OSBPL10: variants seen among roughly 807,000 people sequenced by gnomAD.
OSBPL10 encodes the protein oxysterol-binding protein-related protein 10.
In OSBPL10, 49 loss-of-function variants were observed where a neutral mutation model predicts 81.7. The ratio of observed to expected loss-of-function variants is 0.60; its 90% CI spans 0.48 to 0.76. The LOEUF is 0.76. OSBPL10 is among the 30% of genes least tolerant of loss of function. OSBPL10 has a pLI of 0.00. For missense variants in OSBPL10, 923 were observed against 987.8 expected (o/e 0.93, Z 0.88); for synonymous variants, 419 against 383.6 (o/e 1.09, Z -1.08).
intron 1 of OSBPL10, among the ~76,000 whole-genome samples, chr3:31,928,715 G>A (rs184567498): frequency 6.8e-6 from 1 of 147,020 alleles, no homozygotes; most frequent in African/African-American, 2.6e-5. Flanking sequence ...GGGAGACAGA[G>A]GTTGCCGCCA....
intron 6 of OSBPL10, among the ~76,000 whole-genome samples, chr3:31,713,037 C>G (rs1436688775): frequency 6.6e-6 from 1 of 152,264 alleles, no homozygotes; most frequent in African/African-American, 2.4e-5. Flanking sequence ...TCACCTCTCT[C>G]TCCTAATTAC....
At chr3:31,980,873 G>C in intron 1 of OSBPL10, 26 bp downstream of exon 1, 1 of 1,544,598 alleles carries the variant, frequency 6.5e-7, no homozygotes, top group Non-Finnish European at 8.7e-7. Context: ...AGCGGCGCGC[G>C]GTGGCGCGGG....
At position 31,996,499 on chromosome 3, in the gene OSBPL10, G is replaced by GT. The variant is rs1321586631; in HGVS notation, n.298+49991_298+49992insA. Among the ~76,000 whole-genome samples, 3 of 73,526 alleles carry GT rather than the reference G, an allele frequency of 4.1e-5. No homozygotes were observed. The African/African-American group carries it at 5.5e-4, about 13-fold the overall frequency. 48.2% of individuals were successfully genotyped at this position (73,526 alleles called of 152,430 possible). A position where few individuals can be genotyped will look rare whatever the true frequency, so the allele number is the denominator to read the frequency against. ...AAGTCTTTTTAAATATAAATTGCCAGGGGGAGAAGGGGGTTAGTGGACCTT... is the reference window on the plus strand; with the variant it reads ...AAGTCTTTTTAAATATAAATTGCCAGTGGGGAGAAGGGGGTTAGTGGACCTT... On this transcript the variant is annotated intron_variant and non_coding_transcript_variant, in intron 2 of 3. Coordinates refer to the OSBPL10 transcript ENST00000479173.
chr3:32,008,760 GA>G (rs11328847), intron 2 of OSBPL10, among the ~76,000 whole-genome samples: 45,247 of 114,188 alleles, frequency 0.4, 8,690 homozygotes, highest in East Asian at 0.7. Flanking sequence ...ATCCTGACTG[GA>G]AAAAAAAAAA....
At chr3:31,782,741 C>T (rs1698729499) in intron 4 of OSBPL10, among the ~76,000 whole-genome samples, 5 of 152,108 alleles carry the variant, frequency 3.3e-5, no homozygotes, top group Admixed American at 1.3e-4. Context: ...CAATGAGATA[C>T]CACCTTATTC....
At chr3:32,058,135 C>T (rs1430319643) in intron 1 of OSBPL10, among the ~76,000 whole-genome samples, 1 of 152,078 alleles carries the variant, frequency 6.6e-6, no homozygotes, top group African/African-American at 2.4e-5. Context: ...TATAAAGAAA[C>T]CTTGAACTTT....
rs765080722 is a variant in OSBPL10, at chr3:31,748,148, T to A, written c.730-28A>T. 37 of 1,582,796 alleles carry A rather than the reference T, an allele frequency of 2.3e-5. 1 individual carries two copies. In the South Asian group the frequency reaches 3.9e-4, roughly 16 times the overall value. Reference sequence around the variant, plus strand: ...ACAAAACAAGAAGACAGTAAGGAGGTGAGGGGCGGAAGTTCTTTCGACAGG... The same window carrying A: ...ACAAAACAAGAAGACAGTAAGGAGGAGAGGGGCGGAAGTTCTTTCGACAGG... On this transcript the variant is annotated intron_variant, in intron 4 of 11. Transcript: ENST00000396556.
rs770805000 is a variant in OSBPL10 at position 31,935,511 on chromosome 3, T to C, written c.281+45388A>G. ...GAAAAAAAAATCTACTCCTATGAAA[T>C]AGATTTTTTTTTTTTTTCTTTTTTT... On this transcript the variant is annotated intron_variant, in intron 1 of 11. Coordinates refer to ENST00000396556, the MANE Select transcript of OSBPL10 (RefSeq NM_017784.5). Among the ~76,000 whole-genome samples the C allele has an allele frequency of 1.0e-3, 144 of 141,812 alleles. 1 individual carries two copies. The highest frequency in any genetic ancestry group is 3.4e-3 in the Middle Eastern group (1 of 292). 93.0% of individuals were successfully genotyped at this position (141,812 alleles called of 152,430 possible). A position where few individuals can be genotyped will look rare whatever the true frequency, so the allele number is the denominator to read the frequency against.
intron 5 of OSBPL10, among the ~76,000 whole-genome samples, chr3:31,741,498 C>T (rs1408420145): frequency 2.6e-5 from 4 of 152,180 alleles, no homozygotes; most frequent in East Asian, 1.9e-4. Flanking sequence ...CTCTTGACCT[C>T]GTGATCCATC....
At chr3:31,841,973 T>C (rs1700509369) in intron 3 of OSBPL10, among the ~76,000 whole-genome samples, 1 of 152,158 alleles carries the variant, frequency 6.6e-6, no homozygotes. Context: ...GTAAAAACTA[T>C]CTCTAAAAAC....
chr3:31,714,967 G>A (rs1389060250), intron 6 of OSBPL10: 3 of 139,570 alleles, frequency 2.1e-5, no homozygotes, highest in African/African-American at 9.1e-5. Context: ...TCTCCTGAGG[G>A]CTGTGTCAAA....
At chr3:31,821,402 A>T (rs998548159) in intron 4 of OSBPL10, among the ~76,000 whole-genome samples, 1 of 152,084 alleles carries the variant, frequency 6.6e-6, no homozygotes, top group African/African-American at 2.4e-5. Flanking sequence ...CATTCTCACT[A>T]TTCCAGCCAA....
At chr3:31,866,354 C>T (rs1701180937) in intron 3 of OSBPL10, among the ~76,000 whole-genome samples, 1 of 152,134 alleles carries the variant, frequency 6.6e-6, no homozygotes, top group African/African-American at 2.4e-5. Flanking sequence ...CGAGGTCTAT[C>T]AGTTGGTCTC....
In OSBPL10 at chr3:31,872,188, CTGTT is replaced by C. The variant is rs550442778; in HGVS notation, c.537+4241_537+4244del. On this transcript the variant is annotated intron_variant, in intron 3 of 11. Transcript: ENST00000396556. The stretch of plus-strand genomic sequence containing the variant: ...GACATGGAGAAAAGGGAGATTTTGT[CTGTT>C]TGTCAGTTTCTGTCCATGCAGAATC... Among the ~76,000 whole-genome samples the C allele has an allele frequency of 4.6e-3, 695 of 152,286 alleles. 3 individuals carry two copies. Among genetic ancestry groups the C allele is most frequent in the African/African-American group, 0.016 (645 of 41,548 alleles).
intron 4 of OSBPL10, among the ~76,000 whole-genome samples, chr3:31,771,765 T>G (rs1698384853): frequency 6.6e-6 from 1 of 152,184 alleles, no homozygotes; most frequent in African/African-American, 2.4e-5. Flanking sequence ...TTAGAAGGTA[T>G]ATACGCTCTG....
intron 2 of OSBPL10, among the ~76,000 whole-genome samples, chr3:32,045,209 C>G (rs1699610997): frequency 6.6e-6 from 1 of 152,170 alleles, no homozygotes; most frequent in South Asian, 2.1e-4. Flanking sequence ...CAGGGTATGG[C>G]TCCCATCTGG....
intron 10 of OSBPL10, among the ~76,000 whole-genome samples, chr3:31,667,625 T>C (rs1202431873): frequency 6.6e-6 from 1 of 152,216 alleles, no homozygotes; most frequent in Non-Finnish European, 1.5e-5. Flanking sequence ...TGCTCTTAGA[T>C]TAGAGCAGCA....
chr3:31,977,557 A>C (rs1184768403), intron 1 of OSBPL10, among the ~76,000 whole-genome samples: 1 of 152,100 alleles, frequency 6.6e-6, no homozygotes, highest in Non-Finnish European at 1.5e-5. Context: ...CCCATGGTTC[A>C]CTCTGTATGA....
chr3:31,683,528 A>T (rs767423403), intron 8 of OSBPL10, 106 bp downstream of exon 8: 58 of 1,468,244 alleles, frequency 4.0e-5, no homozygotes, highest in Non-Finnish European at 5.3e-5. Context: ...AAAACCAGTT[A>T]AAAACAACAA....
Sources: allele counts gnomAD v4.1 joint callset (sites outside exome capture counted in the v4.1 genomes callset), GRCh38; gene constraint gnomAD v4.1.1; transcripts MANE v1.5; gene names NCBI Gene and HGNC (gene_info 2026-07-23, HGNC 2026-07-21).